Variants in VPS37B observed in about 807,000 individuals in gnomAD.
VPS37B encodes vacuolar protein sorting-associated protein 37B.
Under a neutral mutation model 21.2 loss-of-function variants are expected in VPS37B, and 11 were observed. That is an observed-to-expected ratio of 0.52 (90% confidence interval 0.33 to 0.86). The LOEUF (loss-of-function observed/expected upper bound fraction) is 0.86. VPS37B is among the 40% of genes least tolerant of loss of function. The pLI is 0.03. For synonymous variants in VPS37B, 175 were observed against 159.6 expected, an observed-to-expected ratio of 1.10 and a Z score of -0.73; for missense variants, 389 against 374.8, an observed-to-expected ratio of 1.04 and a Z score of -0.31.
chr12:122,885,291 C>T (rs1393780878), intron 1 of VPS37B: 1 of 151,210 alleles, frequency 6.6e-6, no homozygotes, highest in Non-Finnish European at 1.5e-5. Context: ...ATCACTTTAA[C>T]GTATTTGTTT....
rs532963090 is a variant in VPS37B at position 122,867,428 on chromosome 12, T to C, written c.546A>G (p.Glu182=). The change falls in exon 4 of 4, where the codon GAA becomes GAG. Residue 182 remains glutamate (E), a synonymous_variant. Transcript: ENST00000267202. This position sits in a 1 kb window ranked among gnomAD's most constrained non-coding sequence, Gnocchi z 5.5. Reference sequence around the variant, plus strand: ...AGGGAAGGGGGGCGGTAGGTGCCAGTTCGGGCAGCCTGGGGGGCAGCGGGG... The same window carrying C: ...AGGGAAGGGGGGCGGTAGGTGCCAGCTCGGGCAGCCTGGGGGGCAGCGGGG... ...ALAPLPPRLP[E]LAPTAPLPYP... The C allele has an allele frequency of 2.0e-4, 313 of 1,596,906 alleles. 8 individuals are homozygous for C. The South Asian group carries it at 3.3e-3, about 17-fold the overall frequency.
chr12:122,872,773 T>C (rs1340137935), intron 1 of VPS37B: 3 of 841,158 alleles, frequency 3.6e-6, no homozygotes, highest in Non-Finnish European at 4.3e-6. Flanking sequence ...AGTTGTACTC[T>C]TGGGCATTTA....
chr12:122,879,269 T>TG (rs1314627329), intron 1 of VPS37B: 1 of 152,462 alleles, frequency 6.6e-6, no homozygotes, highest in Non-Finnish European at 1.5e-5. Context: ...CTGTCTATCC[T>TG]GCTCTGTGCC....
Position 122,867,187 on chromosome 12 carries a change from A to G in VPS37B, c.787T>C (p.Tyr263His). 1 of 1,566,860 alleles carries G rather than the reference A, an allele frequency of 6.4e-7. No homozygotes were observed. The highest frequency in any genetic ancestry group is 8.6e-7 in the Non-Finnish European group (1 of 1,160,754). Residue 263 changes from tyrosine (Y) to histidine (H), a missense_variant, in exon 4 of 4, where the codon TAT (tyrosine) becomes CAT (histidine). Physicochemically the swap from Tyr to His is moderately conservative, Grantham distance 83. Transcript: ENST00000267202. The surrounding 1 kb of genome is among the most constrained non-coding windows in gnomAD (Gnocchi z 5.5). ...GGTCTCTGAGGGAGAGGTGGCGGAT[A>G]TGGGGACACGAACTGCGAAGAGAAT... ...QGFSSQFVSPYPPPLPQRPPP... is the reference protein window; with the variant it reads ...QGFSSQFVSPHPPPLPQRPPP...
At chr12:122,872,269 C>T (rs2034054274) in intron 1 of VPS37B, 45 of 985,316 alleles carry the variant, frequency 4.6e-5, no homozygotes, top group Non-Finnish European at 5.3e-5. Context: ...GAAAGAAGCC[C>T]TTGGATCCAT....
chr12:122,889,837 C>G (rs1480661077), intron 1 of VPS37B: 1 of 152,266 alleles, frequency 6.6e-6, no homozygotes, highest in East Asian at 1.9e-4. Context: ...CCCTGGCACT[C>G]CCCCTCACCA....
Position 122,867,766 on chromosome 12 carries a change from C to T in VPS37B, c.367-159G>A, listed in dbSNP as rs1324022733. On this transcript the variant is annotated intron_variant, in intron 3 of 3. Coordinates refer to ENST00000267202, the MANE Select transcript of VPS37B (RefSeq NM_024667.3). The surrounding 1 kb of genome is among the most constrained non-coding windows in gnomAD (Gnocchi z 5.5). The stretch of plus-strand genomic sequence containing the variant: ...CGCTCCTGCTCCAGATCCCAGAGGT[C>T]ATGGGCTCAGGCTTCAGCATGAGCT... Among the ~76,000 whole-genome samples, 1 of 152,174 alleles carries T rather than the reference C, an allele frequency of 6.6e-6. No individual in the cohort carries two copies. Among genetic ancestry groups the T allele is most frequent in the African/African-American group, 2.4e-5 (1 of 41,412 alleles).
intron 1 of VPS37B, among the ~76,000 whole-genome samples, chr12:122,892,189 C>T (rs2135713920): frequency 6.6e-6 from 1 of 152,156 alleles, no homozygotes; most frequent in South Asian, 2.1e-4. Context: ...GCAGCACAGA[C>T]AAGAGAATAA....
Position 122,865,340 on chromosome 12 carries a change from TTC to T in VPS37B, c.*1774_*1775del, listed in dbSNP as rs1349988523. 1 of 152,228 alleles carries T rather than the reference TTC, an allele frequency of 6.6e-6. No homozygotes were observed. The highest frequency in any genetic ancestry group is 2.4e-5 in the African/African-American group (1 of 41,464). 9.4% of individuals were successfully genotyped at this position (152,228 alleles called of 1,614,324 possible). A position where few individuals can be genotyped will look rare whatever the true frequency, so the allele number is the denominator to read the frequency against. On this transcript the variant is annotated 3_prime_UTR_variant, in exon 4 of 4. Transcript: ENST00000267202. Reference sequence around the variant, plus strand: ...TAAGTGACAGGCCTGTTATTAATAATTCTCTATTTATTAAAAAGGGTCCTACA... The same window carrying T: ...TAAGTGACAGGCCTGTTATTAATAATTCTATTTATTAAAAAGGGTCCTACA...
intron 1 of VPS37B, chr12:122,889,028 C>G (rs1219976687): frequency 6.2e-6 from 1 of 162,068 alleles, no homozygotes; most frequent in Non-Finnish European, 1.4e-5. Context: ...CTCACTTCCA[C>G]TTGAAGCCCG....
intron 1 of VPS37B, chr12:122,874,585 T>TGG (rs1337665426): frequency 1.3e-5 from 2 of 152,134 alleles, no homozygotes; most frequent in Non-Finnish European, 2.9e-5. Flanking sequence ...TTCTGGGGTC[T>TGG]GGGGAAAAAA....
intron 1 of VPS37B, 58 bp from the exon 2 acceptor site, chr12:122,871,119 A>C: frequency 1.9e-6 from 3 of 1,589,610 alleles, no homozygotes; most frequent in Non-Finnish European, 2.6e-6. Flanking sequence ...TAAACCCCTG[A>C]GGTCCCCACG....
Position 122,867,484 on chromosome 12 carries a change from G to A in VPS37B, c.490C>T (p.Leu164=), listed in dbSNP as rs1308181572. The change falls in exon 4 of 4, where the codon CTA becomes TTA. Residue 164 remains leucine, a synonymous_variant. Transcript: ENST00000267202. The surrounding 1 kb of genome is among the most constrained non-coding windows in gnomAD (Gnocchi z 5.5). The stretch of plus-strand genomic sequence containing the variant: ...GCCTGTGGGAGTCTCTGCCCCTTTA[G>A]GACCATCTCCTGGAGCTTCTCGATT... The part of the protein sequence containing the change: ...VKIEKLQEMV[L]KGQRLPQALA... The A allele has an allele frequency of 6.2e-7, 1 of 1,614,030 alleles. No homozygotes were observed. The highest frequency in any genetic ancestry group is 8.5e-7 in the Non-Finnish European group (1 of 1,180,016).
At chr12:122,891,436 C>T (rs2135713426) in intron 1 of VPS37B, among the ~76,000 whole-genome samples, 1 of 152,304 alleles carries the variant, frequency 6.6e-6, no homozygotes, top group Admixed American at 6.5e-5. Context: ...GGGTTTAAGT[C>T]ACTTAAAGTC....
rs978797342 is a variant in VPS37B, at chr12:122,868,269, G to A, written c.366+211C>T. Among the ~76,000 whole-genome samples, 16 of 152,004 alleles carry A rather than the reference G, an allele frequency of 1.1e-4. No homozygotes were observed. Among genetic ancestry groups the A allele is most frequent in the Non-Finnish European group, 1.8e-4 (12 of 67,982 alleles). On this transcript the variant is annotated intron_variant, in intron 3 of 3. Coordinates refer to ENST00000267202, the MANE Select transcript of VPS37B (RefSeq NM_024667.3). This position sits in a 1 kb window ranked among gnomAD's most constrained non-coding sequence, Gnocchi z 5.5. ...GCATGCCCTCTCTTGGCCCTCGCTC[G>A]GACCTGCCCTCACTCACCCCGCTGC...
intron 1 of VPS37B, chr12:122,890,187 T>G (rs2034392647): frequency 6.6e-6 from 1 of 152,230 alleles, no homozygotes. Context: ...TTCTTAACGT[T>G]TACCTACCCA....
intron 1 of VPS37B, among the ~76,000 whole-genome samples, chr12:122,890,936 T>C (rs1190791718): frequency 6.6e-6 from 1 of 152,228 alleles, no homozygotes; most frequent in Non-Finnish European, 1.5e-5. Context: ...GCTGTGGAAC[T>C]GAAATGGAAT....
At position 122,865,449 on chromosome 12, in the gene VPS37B, A is replaced by G. The variant is rs1311965359; in HGVS notation, c.*1667T>C. The G allele has an allele frequency of 6.6e-6, 1 of 152,290 alleles. No individual in the cohort carries two copies. Among genetic ancestry groups the G allele is most frequent in the Non-Finnish European group, 1.5e-5 (1 of 68,056 alleles). 9.4% of individuals were successfully genotyped at this position (152,290 alleles called of 1,614,324 possible). Reference sequence around the variant, plus strand: ...GGGCCGCTTTGCAACTTCAATGCCAAGCTCACGTCTGGCTGCGACCGTGGC... The same window carrying G: ...GGGCCGCTTTGCAACTTCAATGCCAGGCTCACGTCTGGCTGCGACCGTGGC... On this transcript the variant is annotated 3_prime_UTR_variant, in exon 4 of 4. Coordinates refer to ENST00000267202, the MANE Select transcript of VPS37B (RefSeq NM_024667.3).
intron 1 of VPS37B, chr12:122,879,477 C>G (rs2034212863): frequency 6.6e-6 from 1 of 152,622 alleles, no homozygotes; most frequent in African/African-American, 2.4e-5. Flanking sequence ...TCCTCCAAGG[C>G]AGCCCTCTCC....
Sources: gnomAD v4.1 joint callset for allele counts (sites outside exome capture counted in the v4.1 genomes callset) on GRCh38, gnomAD v4.1.1 for gene constraint, Gnocchi (gnomAD v3.1) non-coding constraint, MANE v1.5 for transcripts, NCBI Gene and HGNC (gene_info 2026-07-23, HGNC 2026-07-21) for gene names.